FBXL13: variants seen among roughly 807,000 people sequenced by gnomAD.
FBXL13 encodes the protein F-box and leucine-rich repeat protein 13.
In FBXL13, 67 loss-of-function variants were observed where a neutral mutation model predicts 83.6. The ratio of observed to expected loss-of-function variants is 0.80; its 90% CI spans 0.66 to 0.98. The LOEUF (loss-of-function observed/expected upper bound fraction) is 0.98, where lower values mean the gene tolerates loss of function less well. Ranked by LOEUF, FBXL13 falls within the 50% of genes least tolerant of loss-of-function variation. The pLI, the probability that FBXL13 is intolerant of heterozygous loss-of-function variation, is 0.00. For synonymous variants in FBXL13, 272 were observed against 299.5 expected (o/e 0.91, Z 0.95); for missense variants, 822 against 866.5 (o/e 0.95, Z 0.64).
intron 18 of FBXL13, among the ~76,000 whole-genome samples, chr7:102,824,581 GT>G (rs1324271093): frequency 1.3e-5 from 2 of 151,970 alleles, no homozygotes; most frequent in African/African-American, 4.8e-5. Context: ...TGCCTCCCAG[GT>G]TCAAACAATT....
At chr7:102,983,501 AC>A (rs1828539248) in intron 6 of FBXL13, among the ~76,000 whole-genome samples, 1 of 147,970 alleles carries the variant, frequency 6.8e-6, no homozygotes, top group East Asian at 2.0e-4. Context: ...CTCACAGAAA[AC>A]CCCACTTCCC....
At chr7:102,882,632 C>A (rs567146952) in intron 14 of FBXL13, among the ~76,000 whole-genome samples, 118 of 152,194 alleles carry the variant, frequency 7.8e-4, no homozygotes, top group African/African-American at 2.6e-3. Context: ...TGGGCTGGCA[C>A]ACACCTGTAA....
intron 16 of FBXL13, among the ~76,000 whole-genome samples, chr7:102,867,623 G>A (rs1299757016): frequency 6.9e-6 from 1 of 145,578 alleles, no homozygotes; most frequent in African/African-American, 2.6e-5. Context: ...TGTAAGCAGT[G>A]TGGAGTCCCC....
chr7:102,826,766 T>G (rs1799778719), intron 18 of FBXL13, among the ~76,000 whole-genome samples: 1 of 115,068 alleles, frequency 8.7e-6, no homozygotes, highest in Non-Finnish European at 1.7e-5. Context: ...TATATATATA[T>G]ATATATGTAT....
intron 2 of FBXL13, among the ~76,000 whole-genome samples, chr7:103,036,925 G>C (rs1263617557): frequency 6.6e-6 from 1 of 152,114 alleles, no homozygotes. Flanking sequence ...TACAATTTTG[G>C]AAACTCAATG....
intron 2 of FBXL13, among the ~76,000 whole-genome samples, chr7:103,038,680 G>T (rs1795336369): frequency 6.6e-6 from 1 of 152,192 alleles, no homozygotes; most frequent in Non-Finnish European, 1.5e-5. Flanking sequence ...GGCAAACAAG[G>T]TCTGGAGTGG....
intron 11 of FBXL13, among the ~76,000 whole-genome samples, chr7:102,909,395 T>C (rs992919407): frequency 1.1e-4 from 16 of 152,120 alleles, no homozygotes; most frequent in African/African-American, 3.1e-4. Context: ...TCTACCCTCC[T>C]GTGGCCGTGC....
Position 102,823,048 on chromosome 7 carries a change from GAC to G in FBXL13, c.1855-847_1855-846del, listed in dbSNP as rs377265410. 3.4e-3 allele frequency among the ~76,000 whole-genome samples: 512 copies of G among 152,188 alleles called. 4 individuals carry two copies. Among genetic ancestry groups the G allele is most frequent in the African/African-American group, 0.012 (491 of 41,532 alleles). On this transcript the variant is annotated intron_variant, in intron 18 of 19. Transcript: ENST00000313221. ...CTGCACTGGGTGACGTAGCCTCAGT[GAC>G]AGAGCAAGACCCTGTGCCCTGCCCA...
chr7:102,945,502 T>C (rs1281987808), intron 8 of FBXL13, among the ~76,000 whole-genome samples: 1 of 151,904 alleles, frequency 6.6e-6, no homozygotes, highest in Admixed American at 6.6e-5. Context: ...ATATAGGAAA[T>C]AATACGAGGC....
At chr7:102,948,454 C>T (rs757041501) in intron 8 of FBXL13, among the ~76,000 whole-genome samples, 5 of 152,164 alleles carry the variant, frequency 3.3e-5, no homozygotes, top group East Asian at 1.9e-4. Flanking sequence ...CACAGAGTCT[C>T]GCTCTGTCGC....
intron 6 of FBXL13, among the ~76,000 whole-genome samples, chr7:102,990,367 G>A (rs888547037): frequency 2.6e-5 from 4 of 152,180 alleles, no homozygotes; most frequent in African/African-American, 7.2e-5. Flanking sequence ...GAAAAAGCAA[G>A]ACAAGAAGGG....
At chr7:102,965,395 A>G (rs1335011028) in intron 7 of FBXL13, among the ~76,000 whole-genome samples, 2 of 152,182 alleles carry the variant, frequency 1.3e-5, no homozygotes, top group African/African-American at 4.8e-5. Context: ...GAAAATGCAA[A>G]TAAAGTACTT....
In FBXL13 at chr7:102,893,542, G is replaced by A. The variant is rs183401591; in HGVS notation, c.1009-9230C>T. Among the ~76,000 whole-genome samples the A allele has an allele frequency of 3.8e-3, 580 of 152,182 alleles. 5 individuals are homozygous for A. The highest frequency in any genetic ancestry group is 0.014 in the African/African-American group (572 of 41,552). ...AGCACTTTGGGAGGCCGAGACGGGC[G>A]GATCACAAGGTCAGGAGATTGAGAC... On this transcript the variant is annotated intron_variant, in intron 11 of 19. Transcript: ENST00000313221.
chr7:102,972,878 C>A (rs1826891571), intron 6 of FBXL13, among the ~76,000 whole-genome samples: 1 of 151,692 alleles, frequency 6.6e-6, no homozygotes, highest in African/African-American at 2.4e-5. Flanking sequence ...TGTTTTTCCC[C>A]CAATATTAAT....
intron 2 of FBXL13, among the ~76,000 whole-genome samples, chr7:103,043,800 C>A (rs1019158823): frequency 6.6e-6 from 1 of 152,202 alleles, no homozygotes; most frequent in African/African-American, 2.4e-5. Context: ...AGGTGTGAGC[C>A]ACTGCACCCA....
At chr7:102,868,814 T>C (rs574103644) in intron 16 of FBXL13, among the ~76,000 whole-genome samples, 1 of 152,316 alleles carries the variant, frequency 6.6e-6, no homozygotes, top group Admixed American at 6.5e-5. Flanking sequence ...ATCACAGGTG[T>C]GCACCACCAT....
chr7:102,855,506 C>G (rs1432483675), intron 16 of FBXL13, among the ~76,000 whole-genome samples: 5 of 152,128 alleles, frequency 3.3e-5, no homozygotes, highest in African/African-American at 9.7e-5. Flanking sequence ...TGGCACAACA[C>G]TCAGATAAGG....
chr7:102,853,930 A>C (rs1562997605), intron 17 of FBXL13, among the ~76,000 whole-genome samples: 2 of 152,200 alleles, frequency 1.3e-5, no homozygotes, highest in Non-Finnish European at 2.9e-5. Context: ...GTGGGACTGT[A>C]AACTAGTTCA....
At chr7:102,853,529 TTAAAC>T (rs1276571109) in intron 17 of FBXL13, among the ~76,000 whole-genome samples, 1 of 152,140 alleles carries the variant, frequency 6.6e-6, no homozygotes, top group African/African-American at 2.4e-5. Flanking sequence ...TGGGATCTAA[TTAAAC>T]TAAAGAGCTT....
Sources: gnomAD v4.1 joint callset for allele counts (sites outside exome capture counted in the v4.1 genomes callset) on GRCh38, gnomAD v4.1.1 for gene constraint, MANE v1.5 for transcripts, NCBI Gene and HGNC (gene_info 2026-07-23, HGNC 2026-07-21) for gene names.